Variants in KALRN observed in about 807,000 individuals in gnomAD.
KALRN encodes the protein kalirin.
Under a neutral mutation model 353.7 loss-of-function variants are expected in KALRN, and 70 were observed. That is an observed-to-expected ratio of 0.20 (90% confidence interval 0.16 to 0.24). The LOEUF is 0.24. KALRN is among the 10% of genes least tolerant of loss of function. KALRN has a pLI of 1.00. For missense variants in KALRN, 2,791 were observed against 3,756.7 expected (o/e 0.74, Z 6.72); for synonymous variants, 1,391 against 1,434.8 (o/e 0.97, Z 0.69).
intron 34 of KALRN, among the ~76,000 whole-genome samples, chr3:124,579,726 A>AC (rs1052594964): frequency 6.6e-6 from 1 of 152,046 alleles, no homozygotes; most frequent in Non-Finnish European, 1.5e-5. Context: ...ATAGCAAAAT[A>AC]CCCCCAGCTG....
chr3:124,197,034 C>G (rs1396820436), intron 1 of KALRN, among the ~76,000 whole-genome samples: 1 of 152,170 alleles, frequency 6.6e-6, no homozygotes, highest in Non-Finnish European at 1.5e-5. Context: ...CCTACACACC[C>G]AACAATTATG....
intron 9 of KALRN, among the ~76,000 whole-genome samples, chr3:124,339,246 T>TGGGGCTGGAGAGGCCCAGGGTTAG (rs2081433951): frequency 6.6e-6 from 1 of 151,996 alleles, no homozygotes; most frequent in Non-Finnish European, 1.5e-5. Flanking sequence ...GCAGGTGGGC[T>TGGGGCTGGAGAGGCCCAGGGTTAG]GGGGCTGGAG....
intron 5 of KALRN, among the ~76,000 whole-genome samples, chr3:124,287,539 A>G (rs2076019854): frequency 6.6e-6 from 1 of 151,454 alleles, no homozygotes; most frequent in Non-Finnish European, 1.5e-5. Context: ...TGAGGTGAAT[A>G]TGGAACTTAC....
At chr3:124,716,438 C>T (rs1411653082) in intron 58 of KALRN, among the ~76,000 whole-genome samples, 4 of 152,278 alleles carry the variant, frequency 2.6e-5, no homozygotes, top group South Asian at 2.1e-4. Context: ...ACACCAGAAT[C>T]GCTTGAACCT....
Position 124,526,741 on chromosome 3 carries a change from A to G in KALRN, c.4935+30328A>G, listed in dbSNP as rs192519127. 9.2e-5 allele frequency among the ~76,000 whole-genome samples: 14 copies of G among 152,278 alleles called. No homozygotes were observed. The East Asian group carries it at 2.3e-3, about 25-fold the overall frequency. On this transcript the variant is annotated intron_variant, in intron 33 of 59. Coordinates refer to ENST00000682506, the MANE Select transcript of KALRN (RefSeq NM_001388419.1). ...TGTCCAAAATAGTATAATGATTGGG[A>G]TTCTGGAGAGTCCCTCCACTATCAG...
intron 39 of KALRN, among the ~76,000 whole-genome samples, chr3:124,656,343 G>A (rs549637968): frequency 3.9e-5 from 6 of 152,328 alleles, no homozygotes; most frequent in African/African-American, 1.2e-4. Flanking sequence ...GGGTGCGGTG[G>A]CTCATGCCTG....
intron 5 of KALRN, among the ~76,000 whole-genome samples, chr3:124,279,209 C>T (rs1325713866): frequency 6.6e-6 from 1 of 152,192 alleles, no homozygotes; most frequent in Non-Finnish European, 1.5e-5. Context: ...CCTGCTGGGC[C>T]ACTTGTAGCT....
chr3:124,618,405 G>A (rs1013375496), intron 34 of KALRN, among the ~76,000 whole-genome samples: 1 of 151,924 alleles, frequency 6.6e-6, no homozygotes, highest in East Asian at 1.9e-4. Flanking sequence ...GTGAGCCACC[G>A]CGCCCAGCCA....
chr3:124,276,951 GCGCATGCACACACACATGTGTGCA>G (rs1474687729), intron 5 of KALRN, among the ~76,000 whole-genome samples: 1 of 152,180 alleles, frequency 6.6e-6, no homozygotes, highest in African/African-American at 2.4e-5. Flanking sequence ...GCACACATGT[GCGCATGCACACACACATGTGTGCA>G]CACGTGCACA....
chr3:124,504,224 G>A (rs1241886199), intron 33 of KALRN, among the ~76,000 whole-genome samples: 1 of 152,022 alleles, frequency 6.6e-6, no homozygotes, highest in Non-Finnish European at 1.5e-5. Context: ...TTCAATGTGA[G>A]TTTGGAATTT....
chr3:124,235,322 T>G (rs1442582342), intron 3 of KALRN, among the ~76,000 whole-genome samples: 1 of 152,168 alleles, frequency 6.6e-6, no homozygotes, highest in African/African-American at 2.4e-5. Context: ...CAGGTATACA[T>G]ACTCTACCAA....
chr3:124,044,124 G>A (rs539997471), intron 1 of KALRN, among the ~76,000 whole-genome samples: 1 of 152,166 alleles, frequency 6.6e-6, no homozygotes, highest in Admixed American at 6.5e-5. Context: ...ACACAAAAGA[G>A]AAGATGCCAT....
chr3:124,312,829 A>G lies in KALRN; in HGVS notation c.1093-13151A>G, dbSNP rs115787628. Among the ~76,000 whole-genome samples the G allele has an allele frequency of 2.2e-3, 339 of 152,360 alleles. 1 individual carries two copies. The highest frequency in any genetic ancestry group is 7.6e-3 in the African/African-American group (316 of 41,592). ...ACCTAACGCAAAGAGAATTTTGCCC[A>G]CTAGAGTATAAACTCCTAAAGGCAG... On this transcript the variant is annotated intron_variant, in intron 6 of 59. Transcript: ENST00000682506.
At chr3:124,468,855 T>C (rs1391995632) in intron 25 of KALRN, among the ~76,000 whole-genome samples, 3 of 152,246 alleles carry the variant, frequency 2.0e-5, no homozygotes, top group African/African-American at 4.8e-5. Context: ...AGGAGCCCTA[T>C]ACAAATGTAG....
At position 124,717,316 on chromosome 3, in the gene KALRN, C is replaced by G; in HGVS notation, c.8346C>G (p.Phe2782Leu). 6.2e-7 allele frequency: 1 copy of G among 1,612,912 alleles called. No homozygotes were observed. The highest frequency in any genetic ancestry group is 8.5e-7 in the Non-Finnish European group (1 of 1,179,330). ...AACTGATGGAGGAAAAAGTAGCTTTCTATATCCGAGACATCATGGAGGCTC... is the reference window on the plus strand; with the variant it reads ...AACTGATGGAGGAAAAAGTAGCTTTGTATATCCGAGACATCATGGAGGCTC... ...HDELMEEKVA[F>L]YIRDIMEALQ... is the part of the protein sequence containing the mutation. Residue 2782 changes from phenylalanine (F) to leucine (L), a missense_variant, in exon 59 of 60, where the codon TTC becomes TTG. Around this residue, in one of 11 missense-constraint regions of KALRN, gnomAD observed 188 missense variants for 402.9 expected, o/e 0.47. Coordinates refer to ENST00000682506, the MANE Select transcript of KALRN (RefSeq NM_001388419.1).
chr3:124,542,733 A>G (rs2069170122), intron 33 of KALRN, among the ~76,000 whole-genome samples: 1 of 152,194 alleles, frequency 6.6e-6, no homozygotes, highest in African/African-American at 2.4e-5. Flanking sequence ...TGAGGAACCA[A>G]GGCTTAGAGA....
At chr3:124,253,123 G>T (rs1340786735) in intron 3 of KALRN, among the ~76,000 whole-genome samples, 2 of 152,200 alleles carry the variant, frequency 1.3e-5, no homozygotes, top group Non-Finnish European at 2.9e-5. Flanking sequence ...CAGAAGTACA[G>T]AGGCAGTTAG....
chr3:124,632,656 C>T lies in KALRN; in HGVS notation c.5419C>T (p.Pro1807Ser). The T allele has an allele frequency of 1.2e-6, 2 of 1,614,092 alleles. No homozygotes were observed. Among genetic ancestry groups the T allele is most frequent in the Non-Finnish European group, 8.5e-7 (1 of 1,180,018 alleles). ...TCGGAAGAGCTTTGACCTGGGATCT[C>T]CCAAGCCTGGGGATGAAACAACCCC... Reference protein sequence around the residue: ...DGRKSFDLGSPKPGDETTPQG... With the variant: ...DGRKSFDLGSSKPGDETTPQG... The change falls in exon 35 of 60, where the codon CCC (proline) becomes TCC (serine). Residue 1807 changes from proline to serine, a missense_variant. Coordinates refer to ENST00000682506, the MANE Select transcript of KALRN (RefSeq NM_001388419.1).
intron 13 of KALRN, 24 bp downstream of exon 13, chr3:124,398,895 G>GCAGCTCTAGAATTTTGTGA: frequency 6.3e-7 from 1 of 1,580,022 alleles, no homozygotes. Flanking sequence ...AGGAGGGGAG[G>GCAGCTCTAGAATTTTGTGA]TGGAGAGGGG....
Sources: allele counts gnomAD v4.1 joint callset (sites outside exome capture counted in the v4.1 genomes callset), GRCh38; gene constraint gnomAD v4.1.1; regional missense constraint gnomAD v4.1.1; transcripts MANE v1.5; gene names NCBI Gene and HGNC (gene_info 2026-07-23, HGNC 2026-07-21).